COL28A1: variants seen among roughly 807,000 people sequenced by gnomAD.
The protein encoded by COL28A1 is collagen type XXVIII alpha 1 chain, also known as collagen alpha-1(XXVIII) chain.
COL28A1 carries 161 observed loss-of-function variants against 150.2 expected under a neutral mutation model. The ratio of observed to expected loss-of-function variants is 1.07; its 90% CI spans 0.94 to 1.22. The LOEUF is 1.22. Ranked by LOEUF, COL28A1 falls within the 50% of genes most tolerant of loss-of-function variation. The pLI, the probability that COL28A1 is intolerant of heterozygous loss-of-function variation, is 0.00. For missense variants in COL28A1, 1,617 were observed against 1,388.3 expected, an observed-to-expected ratio of 1.16 and a Z score of -2.62; for synonymous variants, 552 against 469.7, an observed-to-expected ratio of 1.18 and a Z score of -2.26.
At chr7:7,358,878 AG>A (rs1416873511) in intron 34 of COL28A1, 73 bp from the exon 35 acceptor site, 5 of 1,234,696 alleles carry the variant, frequency 4.0e-6, no homozygotes, top group East Asian at 2.5e-5. Flanking sequence ...AACTGTATAA[AG>A]TTATATAAAT....
intron 33 of COL28A1, among the ~76,000 whole-genome samples, chr7:7,363,547 G>T (rs747063561): frequency 1.3e-5 from 2 of 151,976 alleles, no homozygotes; most frequent in Non-Finnish European, 2.9e-5. Flanking sequence ...TAACTGAAAG[G>T]AATTTTAGAA....
At chr7:7,477,496 G>T (rs2128355184) in intron 13 of COL28A1, among the ~76,000 whole-genome samples, 1 of 152,334 alleles carries the variant, frequency 6.6e-6, no homozygotes, top group South Asian at 2.1e-4. Context: ...GAATTGGTGG[G>T]TTCTTGGTCT....
At chr7:7,521,581 T>G (rs1469238839) in intron 5 of COL28A1, among the ~76,000 whole-genome samples, 1 of 152,202 alleles carries the variant, frequency 6.6e-6, no homozygotes, top group Non-Finnish European at 1.5e-5. Context: ...GCACTGATTA[T>G]TTGTATTAGC....
chr7:7,522,626 GT>G, intron 4 of COL28A1, among the ~76,000 whole-genome samples: 1 of 152,128 alleles, frequency 6.6e-6, no homozygotes, highest in East Asian at 1.9e-4. Flanking sequence ...ATCACCAATG[GT>G]TTTGCTGGCA....
In COL28A1 at chr7:7,477,115, T is replaced by C. The variant is rs1562778682; in HGVS notation, c.1230A>G (p.Pro410=). ...RGLPGEGFPG[P]KGEKGSEGPT... ...CTGGTACAGAAGGTATTGTTACCTT[T>C]GGTCCTGGAAATCCTTCTCCGGGTA... The change falls in exon 14 of 35, where the codon CCA becomes CCG. Residue 410 remains proline (P), a synonymous_variant. Coordinates refer to ENST00000399429, the MANE Select transcript of COL28A1 (RefSeq NM_001037763.3). 8.5e-7 allele frequency: 1 copy of C among 1,179,028 alleles called. No individual in the cohort carries two copies. Among genetic ancestry groups the C allele is most frequent in the Admixed American group, 1.7e-5 (1 of 59,500 alleles). The allele number at this position is 1,179,028 out of a possible 1,614,324, so 73.0% of individuals were successfully genotyped here. A position where few individuals can be genotyped will look rare whatever the true frequency, so the allele number is the denominator to read the frequency against.
rs758705680 is a variant in COL28A1 at position 7,437,452 on chromosome 7, C to A, written c.1733G>T (p.Gly578Val). The A allele has an allele frequency of 1.2e-6, 2 of 1,613,384 alleles. No individual in the cohort carries two copies. Among genetic ancestry groups the A allele is most frequent in the South Asian group, 1.1e-5 (1 of 90,920 alleles). The stretch of plus-strand genomic sequence containing the variant: ...AGGCATTCCAAAAGGGCCCATAATG[C>A]CCGGTTCACCCTTAAAAAGAGCAAA... ...PGPEGPKGEP[G>V]IMGPFGMPGT... The change falls in exon 22 of 35, where the codon GGC (glycine) becomes GTC (valine). Residue 578 changes from glycine (G) to valine (V), a missense_variant. Gly to Val is a moderately radical substitution (Grantham distance 109). Coordinates refer to ENST00000399429, the MANE Select transcript of COL28A1 (RefSeq NM_001037763.3).
chr7:7,405,009 G>C (rs979500197), intron 27 of COL28A1, among the ~76,000 whole-genome samples: 3 of 152,088 alleles, frequency 2.0e-5, no homozygotes, highest in African/African-American at 7.2e-5. Context: ...TCAGCCTCCT[G>C]AGTAGCTGGG....
At chr7:7,424,211 C>A (rs765269085) in intron 25 of COL28A1, among the ~76,000 whole-genome samples, 1 of 152,076 alleles carries the variant, frequency 6.6e-6, no homozygotes, top group Non-Finnish European at 1.5e-5. Context: ...TGTATATGTA[C>A]CATACTTTGA....
rs927824447 is a variant in COL28A1 at position 7,507,039 on chromosome 7, G to C, written c.972+78C>G. The C allele has an allele frequency of 5.3e-5, 41 of 767,518 alleles. No individual in the cohort carries two copies. In the African/African-American group the frequency reaches 6.8e-4, roughly 13 times the overall value. The allele number at this position is 767,518 out of a possible 1,614,324, so 47.5% of individuals were successfully genotyped here. ...CATTCTGATTTAACTGGCAGAGGGT[G>C]CAAGTGGGCAAGGGGATGGTTTAAA... On this transcript the variant is annotated intron_variant, in intron 10 of 34. Transcript: ENST00000399429.
chr7:7,351,348 T>G (rs1184794793), downstream of COL28A1, among the ~76,000 whole-genome samples: 1 of 152,092 alleles, frequency 6.6e-6, no homozygotes, highest in East Asian at 1.9e-4. Context: ...AAGGTCAGAG[T>G]AGGAGGCCAG....
intron 26 of COL28A1, 95 bp downstream of exon 26, chr7:7,419,790 A>T (rs775570108): frequency 1.4e-6 from 1 of 697,926 alleles, no homozygotes; most frequent in African/African-American, 1.8e-5. Context: ...AAAATAAGTC[A>T]ACACCAAGAC....
chr7:7,404,104 G>T (rs1783368627), intron 27 of COL28A1, among the ~76,000 whole-genome samples: 1 of 151,970 alleles, frequency 6.6e-6, no homozygotes, highest in South Asian at 2.1e-4. Context: ...CAGGAAAAAG[G>T]ATTTAGTAAA....
At chr7:7,392,235 G>A (rs1053391445) in intron 27 of COL28A1, among the ~76,000 whole-genome samples, 3 of 152,178 alleles carry the variant, frequency 2.0e-5, no homozygotes, top group African/African-American at 7.2e-5. Context: ...CTTCACTTGT[G>A]AAGCTTAGTT....
chr7:7,361,372 G>T (rs1780646070), intron 33 of COL28A1, among the ~76,000 whole-genome samples: 1 of 152,146 alleles, frequency 6.6e-6, no homozygotes, highest in Non-Finnish European at 1.5e-5. Flanking sequence ...TGGGACTGCT[G>T]GGTCAAATGG....
intron 9 of COL28A1, among the ~76,000 whole-genome samples, chr7:7,507,477 G>T (rs1780876205): frequency 6.6e-6 from 1 of 152,074 alleles, no homozygotes; most frequent in African/African-American, 2.4e-5. Context: ...AAACTTATTG[G>T]AATATTATTT....
intron 9 of COL28A1, among the ~76,000 whole-genome samples, chr7:7,508,818 C>A (rs1349875851): frequency 6.6e-6 from 1 of 151,342 alleles, no homozygotes; most frequent in Non-Finnish European, 1.5e-5. Context: ...GATATAATAC[C>A]TTATTGTTTT....
At chr7:7,353,359 T>C (rs748204028), downstream of COL28A1, among the ~76,000 whole-genome samples, 2 of 152,196 alleles carry the variant, frequency 1.3e-5, no homozygotes, top group Non-Finnish European at 2.9e-5. Flanking sequence ...CTTCAACTTG[T>C]CTTGTGTAAA....
intron 11 of COL28A1, among the ~76,000 whole-genome samples, chr7:7,503,699 T>C (rs1406661161): frequency 6.6e-6 from 1 of 152,120 alleles, no homozygotes; most frequent in African/African-American, 2.4e-5. Flanking sequence ...AAATAGCTAA[T>C]GACCAATATG....
chr7:7,477,173 CG>C lies in COL28A1; in HGVS notation c.1171del (p.Arg391ValfsTer47). The C allele has an allele frequency of 4.0e-6, 5 of 1,241,296 alleles. No individual in the cohort carries two copies. Among genetic ancestry groups the C allele is most frequent in the Non-Finnish European group, 6.0e-6 (5 of 839,276 alleles). The allele number at this position is 1,241,296 out of a possible 1,614,324, so 76.9% of individuals were successfully genotyped here. On this transcript the variant is annotated frameshift_variant, in exon 14 of 35. Coordinates refer to ENST00000399429, the MANE Select transcript of COL28A1 (RefSeq NM_001037763.3). LOFTEE classifies it high-confidence loss of function. The part of the protein sequence containing the change: ...GVGEPGQPGP[R>X]GPEGVPGERG... ...CTCTCCTGGTACTCCCTCAGGACCA[CG>C]GGGACCCTGGTTAGGATAGGAGAAA... is the stretch of plus-strand genomic sequence containing the variant.
Sources: gnomAD v4.1 joint callset for allele counts (sites outside exome capture counted in the v4.1 genomes callset) on GRCh38, gnomAD v4.1.1 for gene constraint, MANE v1.5 for transcripts, NCBI Gene and HGNC (gene_info 2026-07-23, HGNC 2026-07-21) for gene names.